TAB2: variants seen among roughly 807,000 people sequenced by gnomAD.
TAB2 encodes TGF-beta activated kinase 1 (MAP3K7) binding protein 2, also known as TGF-beta-activated kinase 1 and MAP3K7-binding protein 2.
TAB2 carries 3 observed loss-of-function variants against 65.0 expected under a neutral mutation model. The ratio of observed to expected loss-of-function variants is 0.05; its 90% confidence interval spans 0.02 to 0.12. The LOEUF (loss-of-function observed/expected upper bound fraction) is 0.12. TAB2 is among the 10% of genes least tolerant of loss of function. The pLI, the probability that TAB2 is intolerant of heterozygous loss-of-function variation, is 1.00. For synonymous variants in TAB2, 298 were observed against 285.1 expected (o/e 1.05, Z -0.46); for missense variants, 623 against 840.3 (o/e 0.74, Z 3.20).
rs770691939 is a variant in TAB2 at position 149,370,116 on chromosome 6, T to G, written c.102+17T>G. ...ATGTTACAGGTCAGTGTTCAATGAT[T>G]TCTGAATTTGTTAATACAAACCTGG... On this transcript the variant is annotated intron_variant, in intron 2 of 6. Coordinates refer to ENST00000637181, the MANE Select transcript of TAB2 (RefSeq NM_001292034.3). The G allele has an allele frequency of 2.6e-5, 42 of 1,605,028 alleles. No individual in the cohort carries two copies. Among genetic ancestry groups the G allele is most frequent in the Non-Finnish European group, 3.5e-5 (41 of 1,171,994 alleles).
chr6:149,405,706 A>C (rs1275931406), intron 6 of TAB2, among the ~76,000 whole-genome samples: 1 of 152,214 alleles, frequency 6.6e-6, no homozygotes, highest in Non-Finnish European at 1.5e-5. Context: ...AAACTCCTGG[A>C]AACAGAGAGC....
chr6:149,407,947 A>G (rs181234648), intron 6 of TAB2, among the ~76,000 whole-genome samples: 99 of 152,270 alleles, frequency 6.5e-4, no homozygotes, highest in Admixed American at 3.4e-3. Flanking sequence ...GTAAAAAGGG[A>G]CTTCCTTATG....
chr6:149,291,235 G>C (rs1202499106), intron 1 of TAB2: 1 of 152,196 alleles, frequency 6.6e-6, no homozygotes, highest in Non-Finnish European at 1.5e-5. Flanking sequence ...ATCCAAGATT[G>C]CTGAATTTCA....
At chr6:149,392,624 C>T (rs1782028060) in intron 3 of TAB2, among the ~76,000 whole-genome samples, 1 of 152,238 alleles carries the variant, frequency 6.6e-6, no homozygotes, top group Non-Finnish European at 1.5e-5. Context: ...CATGAGACTT[C>T]AGCTTTCTCC....
At chr6:149,364,217 C>T (rs1332789155) in intron 1 of TAB2, among the ~76,000 whole-genome samples, 2 of 152,166 alleles carry the variant, frequency 1.3e-5, no homozygotes, top group African/African-American at 4.8e-5. Flanking sequence ...CACATGATTT[C>T]TTGATCATGT....
intron 1 of TAB2, among the ~76,000 whole-genome samples, chr6:149,242,102 G>A (rs894459024): frequency 2.6e-5 from 4 of 152,102 alleles, no homozygotes; most frequent in Non-Finnish European, 4.4e-5. Flanking sequence ...TCACTGCTCG[G>A]GATGGCCCTC....
chr6:149,244,117 A>G (rs4897096), intron 1 of TAB2: 43,117 of 152,216 alleles, frequency 0.28, 6,729 homozygotes, highest in Admixed American at 0.39. Flanking sequence ...ATCAAAGGTA[A>G]GCACCAACAG....
At chr6:149,275,795 A>G (rs1182702398) in intron 1 of TAB2, among the ~76,000 whole-genome samples, 3 of 152,226 alleles carry the variant, frequency 2.0e-5, no homozygotes, top group East Asian at 1.9e-4. Context: ...CCCAAAACCC[A>G]TAACTCCAGC....
intron 1 of TAB2, among the ~76,000 whole-genome samples, chr6:149,222,052 C>A (rs917627581): frequency 2.3e-4 from 35 of 152,242 alleles, no homozygotes; most frequent in Middle Eastern, 3.4e-3. Context: ...CTGTAGACGG[C>A]CCGAATGGAA....
intron 1 of TAB2, among the ~76,000 whole-genome samples, chr6:149,232,507 G>T (rs554050875): frequency 1.3e-5 from 2 of 152,240 alleles, no homozygotes; most frequent in South Asian, 4.1e-4. Context: ...GATTACAAGC[G>T]TGAGCCACCA....
intron 1 of TAB2, among the ~76,000 whole-genome samples, chr6:149,282,471 C>T (rs1276662181): frequency 1.3e-5 from 2 of 152,000 alleles, no homozygotes; most frequent in African/African-American, 4.8e-5. Flanking sequence ...AGAACATTCT[C>T]CCCAAACAAC....
intron 1 of TAB2, among the ~76,000 whole-genome samples, chr6:149,265,291 A>T (rs1369965793): frequency 6.6e-6 from 1 of 151,668 alleles, no homozygotes; most frequent in Non-Finnish European, 1.5e-5. Context: ...CTTTGCCAGC[A>T]TTCTGTTTTA....
chr6:149,251,095 A>G (rs1365369285), intron 1 of TAB2, among the ~76,000 whole-genome samples: 1 of 152,160 alleles, frequency 6.6e-6, no homozygotes, highest in Non-Finnish European at 1.5e-5. Context: ...GCTGTGAGTC[A>G]GTTGTTTGCC....
At chr6:149,292,533 G>A (rs1778796036) in intron 1 of TAB2, among the ~76,000 whole-genome samples, 1 of 152,172 alleles carries the variant, frequency 6.6e-6, no homozygotes, top group Non-Finnish European at 1.5e-5. Context: ...AAAAGGGAAT[G>A]AAAGAAATTG....
At chr6:149,243,288 C>T (rs1375079172) in intron 1 of TAB2, 3 of 152,134 alleles carry the variant, frequency 2.0e-5, no homozygotes, top group Admixed American at 6.5e-5. Context: ...ACTCTCCAGA[C>T]GTAAATGTTA....
At chr6:149,409,502 G>A (rs1782773076) in intron 6 of TAB2, 75 bp from the exon 7 acceptor site, 1 of 1,358,422 alleles carries the variant, frequency 7.4e-7, no homozygotes, top group East Asian at 2.4e-5. Flanking sequence ...CACTACAAAT[G>A]GTGTTTAAAG....
intron 1 of TAB2, among the ~76,000 whole-genome samples, chr6:149,299,288 G>A (rs1778930338): frequency 6.6e-6 from 1 of 152,150 alleles, no homozygotes; most frequent in African/African-American, 2.4e-5. Context: ...ATTCACATCA[G>A]AGGCCGGGTG....
intron 1 of TAB2, among the ~76,000 whole-genome samples, chr6:149,239,763 G>C (rs1024375451): frequency 6.6e-6 from 1 of 152,116 alleles, no homozygotes; most frequent in Admixed American, 6.5e-5. Context: ...AATACTTCTT[G>C]AGCACCTATA....
intron 1 of TAB2, among the ~76,000 whole-genome samples, chr6:149,285,127 CCTCT>C (rs1350036979): frequency 2.6e-5 from 4 of 152,190 alleles, no homozygotes; most frequent in African/African-American, 9.6e-5. Flanking sequence ...GGTTATTTTA[CCTCT>C]CTAAGTCATG....
Sources: gnomAD v4.1 joint callset for allele counts (sites outside exome capture counted in the v4.1 genomes callset) on GRCh38, gnomAD v4.1.1 for gene constraint, MANE v1.5 for transcripts, NCBI Gene and HGNC (gene_info 2026-07-23, HGNC 2026-07-21) for gene names.